Variants in UBN1 observed in about 807,000 individuals in gnomAD.
UBN1 encodes the protein ubinuclein 1.
Under a neutral mutation model 108.5 loss-of-function variants are expected in UBN1, and 17 were observed. The observed-to-expected ratio is 0.16, with a 90% CI of 0.11 to 0.24. The LOEUF (loss-of-function observed/expected upper bound fraction) is 0.24. Among genes scored for constraint, UBN1 ranks in the 10% least tolerant of loss-of-function variants. The pLI is 1.00. For missense variants in UBN1, 1,595 were observed against 1,394.4 expected, an observed-to-expected ratio of 1.14 and a Z score of -2.29; for synonymous variants, 726 against 564.2, an observed-to-expected ratio of 1.29 and a Z score of -4.07.
chr16:4,858,776 A>G, intron 4 of UBN1, 113 bp downstream of exon 4: 1 of 1,053,708 alleles, frequency 9.5e-7, no homozygotes, highest in Non-Finnish European at 1.4e-6. Context: ...TCCCAGCATG[A>G]GGCAGTAGCA....
At chr16:4,868,743 T>G in intron 7 of UBN1, 90 bp from the exon 8 acceptor site, 1 of 1,303,402 alleles carries the variant, frequency 7.7e-7, no homozygotes, top group Non-Finnish European at 1.1e-6. Context: ...AGGTGCTCTT[T>G]ATGGAGCGAT....
chr16:4,849,949 CAAA>C (rs751842571), intron 1 of UBN1, among the ~76,000 whole-genome samples: 3 of 72,206 alleles, frequency 4.2e-5, no homozygotes, highest in Admixed American at 1.8e-4. Flanking sequence ...AACTGTCTCA[CAAA>C]AAAAAAAAAA....
rs756821607 is a variant in UBN1 at position 4,874,328 on chromosome 16, G to A, written c.1918G>A (p.Glu640Lys). 2 of 1,614,148 alleles carry A rather than the reference G, an allele frequency of 1.2e-6. No homozygotes were observed. Among genetic ancestry groups the A allele is most frequent in the South Asian group, 2.2e-5 (2 of 91,086 alleles). The change falls in exon 15 of 18, where the codon GAG (glutamate) becomes AAG (lysine). Residue 640 changes from glutamate to lysine, a missense_variant. Around this residue, in one of 3 missense-constraint regions of UBN1, gnomAD observed 1,398 missense variants for 1,194.7 expected, o/e 1.17. Transcript: ENST00000262376. The stretch of plus-strand genomic sequence containing the variant: ...CCTGAGTATTGGGGCCTCGAGCAGG[G>A]AGCTCCCATCCCAGGCATCGGGCGG... ...GGLSIGASSR[E>K]LPSQASGGLA...
rs200442868 is a variant in UBN1, at chr16:4,870,229, G to A, written c.1199G>A (p.Arg400Gln). ...TTCTTCAGCATAGAGGCGCAGACTC[G>A]GGAGCTGAGCAGTCAGGTCCGCTCT... ...GILLDIEAQT[R>Q]ELSSQVRSGV... Residue 400 changes from arginine to glutamine, a missense_variant, in exon 9 of 18, where the codon CGG (arginine) becomes CAG (glutamine). Physicochemically the swap from Arg to Gln is conservative, Grantham distance 43. This residue lies in a region of UBN1 where 1,398 missense variants were observed against 1,194.7 expected (regional missense o/e 1.17). Coordinates refer to ENST00000262376, the MANE Select transcript of UBN1 (RefSeq NM_001079514.3). 171 of 1,614,224 alleles carry A rather than the reference G, an allele frequency of 1.1e-4. 1 individual carries two copies. The South Asian group carries it at 1.1e-3, about 10-fold the overall frequency.
At chr16:4,859,608 A>T (rs1217993436) in intron 5 of UBN1, among the ~76,000 whole-genome samples, 1 of 152,216 alleles carries the variant, frequency 6.6e-6, no homozygotes, top group Admixed American at 6.5e-5. Flanking sequence ...GGTAGGGCCC[A>T]CTTGTAACTT....
At chr16:4,867,388 C>T (rs985602443) in intron 7 of UBN1, among the ~76,000 whole-genome samples, 48 of 149,370 alleles carry the variant, frequency 3.2e-4, no homozygotes, top group African/African-American at 1.1e-3. Flanking sequence ...GATGCTAAAT[C>T]TGTGTATAGA....
chr16:4,879,043 C>G (rs1323834406), intron 17 of UBN1, among the ~76,000 whole-genome samples: 1 of 151,838 alleles, frequency 6.6e-6, no homozygotes, highest in Non-Finnish European at 1.5e-5. Context: ...TTCATTTTTC[C>G]TCTGGGTATG....
chr16:4,872,719 T>G (rs1302922826), intron 12 of UBN1, among the ~76,000 whole-genome samples, 165 bp from the exon 13 acceptor site: 1 of 152,206 alleles, frequency 6.6e-6, no homozygotes, highest in Non-Finnish European at 1.5e-5. Flanking sequence ...TCCACCTGCC[T>G]TGGCCTCCAA....
At chr16:4,873,510 G>A (rs2087737779) in intron 14 of UBN1, among the ~76,000 whole-genome samples, 1 of 152,178 alleles carries the variant, frequency 6.6e-6, no homozygotes, top group African/African-American at 2.4e-5. Flanking sequence ...TAGACACTGT[G>A]AAAATTACCT....
At chr16:4,866,850 A>G (rs118012934) in intron 7 of UBN1, among the ~76,000 whole-genome samples, 2,613 of 152,326 alleles carry the variant, frequency 0.017, 28 homozygotes, top group Non-Finnish European at 0.025. Context: ...CGTTACATAA[A>G]TGGACCCGAT....
At chr16:4,866,729 C>G (rs2087351037) in intron 7 of UBN1, among the ~76,000 whole-genome samples, 1 of 152,144 alleles carries the variant, frequency 6.6e-6, no homozygotes, top group Non-Finnish European at 1.5e-5. Flanking sequence ...CCAAGCTGGT[C>G]TGAAACTCCT....
At chr16:4,873,923 G>A (rs565999898) in intron 14 of UBN1, among the ~76,000 whole-genome samples, 18 of 152,296 alleles carry the variant, frequency 1.2e-4, no homozygotes, top group African/African-American at 3.8e-4. Flanking sequence ...GAGTCTTAAC[G>A]CTTTTCAAAA....
rs2088049976 is a variant in UBN1 at position 4,880,635 on chromosome 16, G to C, written c.*503G>C. The C allele has an allele frequency of 6.1e-6, 1 of 165,202 alleles. No homozygotes were observed. Among genetic ancestry groups the C allele is most frequent in the South Asian group, 1.6e-4 (1 of 6,234 alleles). 10.2% of individuals were successfully genotyped at this position (165,202 alleles called of 1,614,324 possible). A position where few individuals can be genotyped will look rare whatever the true frequency, so the allele number is the denominator to read the frequency against. On this transcript the variant is annotated 3_prime_UTR_variant, in exon 18 of 18. Coordinates refer to ENST00000262376, the MANE Select transcript of UBN1 (RefSeq NM_001079514.3). ...AAAACTCAGGCCAGAGCCACAGCTG[G>C]GAGACCTGCACTGTCCCTGCGAAAT... is the stretch of plus-strand genomic sequence containing the variant.
intron 5 of UBN1, 143 bp from the exon 6 acceptor site, chr16:4,859,722 G>A: frequency 3.6e-6 from 5 of 1,393,716 alleles, no homozygotes; most frequent in Non-Finnish European, 4.8e-6. Flanking sequence ...TGTGGTCCAG[G>A]GACTGATCTG....
intron 11 of UBN1, 64 bp from the exon 12 acceptor site, chr16:4,871,091 T>C (rs2087609662): frequency 6.2e-7 from 1 of 1,607,016 alleles, no homozygotes; most frequent in Non-Finnish European, 8.5e-7. Context: ...TGAAAGCACA[T>C]GATTGGAACC....
Position 4,847,528 on chromosome 16 carries a change from C to T in UBN1, c.-722C>T, listed in dbSNP as rs2086252941. 3 of 485,142 alleles carry T rather than the reference C, an allele frequency of 6.2e-6. No individual in the cohort carries two copies. Among genetic ancestry groups the T allele is most frequent in the Non-Finnish European group, 1.1e-5 (3 of 278,780 alleles). The allele number at this position is 485,142 out of a possible 1,614,324, so 30.1% of individuals were successfully genotyped here. On this transcript the variant is annotated 5_prime_UTR_variant, in exon 1 of 18. Transcript: ENST00000262376. ...CTCGTGACAACGAAGCGCCCGCGGT[C>T]TGAGGCGGCGGCGGCGGCGACGGTG... is the stretch of plus-strand genomic sequence containing the variant.
chr16:4,854,312 C>T (rs2086693405), intron 2 of UBN1, among the ~76,000 whole-genome samples: 1 of 149,956 alleles, frequency 6.7e-6, no homozygotes, highest in African/African-American at 2.5e-5. Flanking sequence ...GGATTACAGG[C>T]ATGAGCCACA....
rs529385985 is a variant in UBN1, at chr16:4,847,688, C to T, written c.-562C>T. 5.2e-4 allele frequency: 95 copies of T among 181,694 alleles called. No homozygotes were observed. The highest frequency in any genetic ancestry group is 2.2e-3 in the African/African-American group (93 of 41,988). The allele number at this position is 181,694 out of a possible 1,614,324, so 11.3% of individuals were successfully genotyped here. ...GCGGGCCCCGGGGCCATTCCCGAGC[C>T]CGAGGCGCTGGTCGGCCCCGTCGCA... On this transcript the variant is annotated 5_prime_UTR_variant, in exon 1 of 18. Coordinates refer to ENST00000262376, the MANE Select transcript of UBN1 (RefSeq NM_001079514.3).
At chr16:4,863,767 A>G (rs1016486653) in intron 7 of UBN1, among the ~76,000 whole-genome samples, 1 of 152,120 alleles carries the variant, frequency 6.6e-6, no homozygotes, top group Non-Finnish European at 1.5e-5. Flanking sequence ...GCCAACGCTC[A>G]TGGCTGCATT....
Sources: gnomAD v4.1 joint callset for allele counts (sites outside exome capture counted in the v4.1 genomes callset) on GRCh38, gnomAD v4.1.1 for gene constraint, gnomAD v4.1.1 regional missense constraint, MANE v1.5 for transcripts, NCBI Gene and HGNC (gene_info 2026-07-23, HGNC 2026-07-21) for gene names.